Variants in CDC14B observed in about 807,000 individuals in gnomAD.
CDC14B encodes dual specificity protein phosphatase CDC14B.
CDC14B carries 22 observed loss-of-function variants against 64.2 expected under a neutral mutation model. The observed-to-expected ratio is 0.34, with a 90% CI of 0.24 to 0.49. The LOEUF is 0.49. CDC14B is among the 20% of genes least tolerant of loss of function. The pLI is 0.99. For missense variants in CDC14B, 498 were observed against 629.9 expected (o/e 0.79, Z 2.24); for synonymous variants, 191 against 215.8 (o/e 0.89, Z 1.01).
chr9:96,574,264 A>C (rs1844657886), intron 1 of CDC14B, among the ~76,000 whole-genome samples: 1 of 152,186 alleles, frequency 6.6e-6, no homozygotes, highest in African/African-American at 2.4e-5. Flanking sequence ...CAAAGATGAG[A>C]GCCACATATA....
intron 13 of CDC14B, among the ~76,000 whole-genome samples, chr9:96,505,185 A>T (rs964942961): frequency 3.5e-4 from 47 of 134,122 alleles, no homozygotes; most frequent in African/African-American, 1.2e-3. Context: ...TGTCTCATTT[A>T]AAAAAAAAAA....
chr9:96,493,926 C>T (rs922277614), intron 13 of CDC14B, among the ~76,000 whole-genome samples: 1 of 152,342 alleles, frequency 6.6e-6, no homozygotes, highest in Non-Finnish European at 1.5e-5. Flanking sequence ...CCAGGACTCG[C>T]GCTGCCTCCA....
intron 7 of CDC14B, among the ~76,000 whole-genome samples, chr9:96,538,159 T>C (rs1839546870): frequency 1.3e-5 from 2 of 152,230 alleles, no homozygotes; most frequent in Admixed American, 6.5e-5. Context: ...ATTCATCTCA[T>C]CTTATTCTAT....
intron 9 of CDC14B, among the ~76,000 whole-genome samples, chr9:96,533,215 C>T (rs1375659952): frequency 2.0e-5 from 3 of 152,202 alleles, no homozygotes; most frequent in Non-Finnish European, 4.4e-5. Flanking sequence ...GCGATCCGCC[C>T]GCCATGGCCT....
At chr9:96,606,794 G>A (rs965101934) in intron 1 of CDC14B, among the ~76,000 whole-genome samples, 7 of 151,976 alleles carry the variant, frequency 4.6e-5, no homozygotes, top group African/African-American at 4.8e-5. Context: ...TCGAACTCTC[G>A]ATCTCAGATG....
At chr9:96,558,017 C>G (rs1842702811) in intron 4 of CDC14B, among the ~76,000 whole-genome samples, 2 of 152,176 alleles carry the variant, frequency 1.3e-5, no homozygotes, top group Admixed American at 1.3e-4. Flanking sequence ...TTCAGAAAAT[C>G]TAACTGCTGT....
intron 1 of CDC14B, among the ~76,000 whole-genome samples, chr9:96,589,717 G>C (rs1344100622): frequency 6.6e-6 from 1 of 152,108 alleles, no homozygotes; most frequent in African/African-American, 2.4e-5. Context: ...ACAGCACTTT[G>C]GGAGACCCAG....
At chr9:96,535,490 T>C (rs1449948663) in intron 7 of CDC14B, among the ~76,000 whole-genome samples, 1 of 152,176 alleles carries the variant, frequency 6.6e-6, no homozygotes, top group Non-Finnish European at 1.5e-5. Flanking sequence ...TATTATAACA[T>C]AGATACAGTT....
At chr9:96,604,990 C>A (rs1588067884) in intron 1 of CDC14B, among the ~76,000 whole-genome samples, 2 of 152,102 alleles carry the variant, frequency 1.3e-5, no homozygotes, top group South Asian at 4.1e-4. Flanking sequence ...TTTTAAACAC[C>A]CAGTTTAGTA....
rs571881872 is a variant in CDC14B at position 96,515,515 on chromosome 9, G to T, written c.1344-5726C>A. Reference sequence around the variant, plus strand: ...CCACCACCATCCCATTAATTGAAAAGATTCAGAAAAAGAACCTTTGAAAAT... The same window carrying T: ...CCACCACCATCCCATTAATTGAAAATATTCAGAAAAAGAACCTTTGAAAAT... On this transcript the variant is annotated intron_variant, in intron 12 of 13. Transcript: ENST00000375241. This position sits in a 1 kb window ranked among gnomAD's most constrained non-coding sequence, Gnocchi z 4.3. The T allele has an allele frequency of 5.9e-6, 5 of 848,916 alleles. No homozygotes were observed. In the South Asian group the frequency reaches 6.7e-5, roughly 11 times the overall value. The allele number at this position is 848,916 out of a possible 1,614,324, so 52.6% of individuals were successfully genotyped here.
chr9:96,587,668 C>T (rs1675460589), intron 1 of CDC14B, among the ~76,000 whole-genome samples: 1 of 152,206 alleles, frequency 6.6e-6, no homozygotes, highest in South Asian at 2.1e-4. Context: ...CACCTTTCAC[C>T]AGTCTGATGA....
intron 4 of CDC14B, among the ~76,000 whole-genome samples, chr9:96,554,800 C>G (rs1195401400): frequency 1.3e-5 from 2 of 152,124 alleles, no homozygotes; most frequent in African/African-American, 4.8e-5. Context: ...TACACCTACT[C>G]ATCTTGCTGA....
intron 1 of CDC14B, among the ~76,000 whole-genome samples, chr9:96,608,201 G>A (rs531462513): frequency 4.4e-4 from 67 of 152,252 alleles, no homozygotes; most frequent in Middle Eastern, 3.4e-3. Context: ...ACTATCAAAC[G>A]CACTCAAACA....
chr9:96,529,034 T>C (rs1838018381), intron 9 of CDC14B, among the ~76,000 whole-genome samples: 1 of 152,212 alleles, frequency 6.6e-6, no homozygotes, highest in Non-Finnish European at 1.5e-5. Flanking sequence ...TTTCTCCCAA[T>C]CCATGGGTTA....
chr9:96,569,864 A>G (rs1026421005), intron 1 of CDC14B, among the ~76,000 whole-genome samples: 2 of 152,152 alleles, frequency 1.3e-5, no homozygotes, highest in Admixed American at 6.5e-5. Flanking sequence ...CTGGGATTGT[A>G]GGCATGAGCC....
chr9:96,556,726 G>A (rs1385869297), intron 4 of CDC14B, among the ~76,000 whole-genome samples: 8 of 152,026 alleles, frequency 5.3e-5, no homozygotes, highest in African/African-American at 1.4e-4. Context: ...CATTTGAGTG[G>A]TAGGGACATT....
intron 5 of CDC14B, among the ~76,000 whole-genome samples, chr9:96,546,679 A>G (rs1840906623): frequency 6.6e-6 from 1 of 151,780 alleles, no homozygotes; most frequent in Non-Finnish European, 1.5e-5. Context: ...TGAACTCCTG[A>G]CCTCAGGTGA....
chr9:96,542,025 T>A (rs759604158), intron 5 of CDC14B, 133 bp from the exon 6 acceptor site: 37 of 510,578 alleles, frequency 7.2e-5, no homozygotes, highest in Non-Finnish European at 1.2e-4. Flanking sequence ...ATCTCGCCTT[T>A]TGACTTTTAA....
chr9:96,607,905 C>T (rs1398675066), intron 1 of CDC14B, among the ~76,000 whole-genome samples: 1 of 152,150 alleles, frequency 6.6e-6, no homozygotes, highest in Non-Finnish European at 1.5e-5. Flanking sequence ...AAAGCAGACT[C>T]GTGTTGCTGT....
Sources: gnomAD v4.1 joint callset for allele counts (sites outside exome capture counted in the v4.1 genomes callset) on GRCh38, gnomAD v4.1.1 for gene constraint, Gnocchi (gnomAD v3.1) non-coding constraint, MANE v1.5 for transcripts, NCBI Gene and HGNC (gene_info 2026-07-23, HGNC 2026-07-21) for gene names.